DOCK3: variants seen among roughly 807,000 people sequenced by gnomAD.
DOCK3 encodes the protein dedicator of cytokinesis 3.
DOCK3 carries 60 observed loss-of-function variants against 265.6 expected under a neutral mutation model. The ratio of observed to expected loss-of-function variants is 0.23; its 90% CI spans 0.18 to 0.28. The LOEUF is 0.28. Ranked by LOEUF, DOCK3 falls within the 10% of genes least tolerant of loss-of-function variation. DOCK3 has a pLI of 1.00. For missense variants in DOCK3, 1,981 were observed against 2,594.3 expected (o/e 0.76, Z 5.14); for synonymous variants, 881 against 938.0 (o/e 0.94, Z 1.11).
At chr3:51,107,327 C>T (rs751226899) in intron 9 of DOCK3, among the ~76,000 whole-genome samples, 11 of 152,182 alleles carry the variant, frequency 7.2e-5, no homozygotes, top group Non-Finnish European at 1.6e-4. Flanking sequence ...ACAATTGCAA[C>T]AGTTCTCCAA....
chr3:50,965,827 GTA>G (rs1256369520), intron 5 of DOCK3, among the ~76,000 whole-genome samples: 1 of 152,050 alleles, frequency 6.6e-6, no homozygotes, highest in Non-Finnish European at 1.5e-5. Flanking sequence ...GACAAAGATT[GTA>G]TATATTAAAG....
At position 51,383,473 on chromosome 3, in the gene DOCK3, C is replaced by A. The variant is rs1312184727; in HGVS notation, c.*1914C>A. On this transcript the variant is annotated 3_prime_UTR_variant, in exon 53 of 53. Coordinates refer to ENST00000266037, the MANE Select transcript of DOCK3 (RefSeq NM_004947.5). ...TTAGGGGCTAGTTTTGGATTTGATT[C>A]ATAGGTAGGAGGGCTTAGATTTTAA... 1 of 152,322 alleles carries A rather than the reference C, an allele frequency of 6.6e-6. No homozygotes were observed. The highest frequency in any genetic ancestry group is 1.5e-5 in the Non-Finnish European group (1 of 68,050). 9.4% of individuals were successfully genotyped at this position (152,322 alleles called of 1,614,324 possible). A position where few individuals can be genotyped will look rare whatever the true frequency, so the allele number is the denominator to read the frequency against.
At chr3:51,094,995 CTTT>C (rs879555974) in intron 9 of DOCK3, among the ~76,000 whole-genome samples, 1 of 139,622 alleles carries the variant, frequency 7.2e-6, no homozygotes, top group African/African-American at 2.6e-5. Flanking sequence ...TCAACTCCTG[CTTT>C]TTTTTTTTTT....
chr3:50,696,756 A>T (rs934565155), intron 1 of DOCK3, among the ~76,000 whole-genome samples: 1 of 152,162 alleles, frequency 6.6e-6, no homozygotes, highest in African/African-American at 2.4e-5. Flanking sequence ...ATGCACAAGT[A>T]AAATTTTACT....
At chr3:50,745,890 CT>C (rs2039401159) in intron 1 of DOCK3, among the ~76,000 whole-genome samples, 2 of 152,114 alleles carry the variant, frequency 1.3e-5, no homozygotes, top group African/African-American at 4.8e-5. Context: ...TGTTTGTTTT[CT>C]TTTCAGGGGA....
At chr3:50,695,580 C>T (rs2035561097) in intron 1 of DOCK3, among the ~76,000 whole-genome samples, 1 of 152,198 alleles carries the variant, frequency 6.6e-6, no homozygotes, top group Non-Finnish European at 1.5e-5. Flanking sequence ...TCATGACCTC[C>T]AAACCCAGTT....
chr3:51,119,546 A>G (rs999162158), intron 9 of DOCK3, among the ~76,000 whole-genome samples: 2 of 152,192 alleles, frequency 1.3e-5, no homozygotes, highest in African/African-American at 4.8e-5. Context: ...CCTGGATAAT[A>G]TCCTGATGTG....
intron 9 of DOCK3, among the ~76,000 whole-genome samples, chr3:51,113,624 G>C (rs1414785757): frequency 6.6e-6 from 1 of 152,076 alleles, no homozygotes; most frequent in Non-Finnish European, 1.5e-5. Context: ...CAAGACCCCA[G>C]ATAAATCACT....
intron 12 of DOCK3, among the ~76,000 whole-genome samples, chr3:51,187,291 G>A (rs2087666275): frequency 1.3e-5 from 2 of 152,206 alleles, no homozygotes; most frequent in South Asian, 4.1e-4. Flanking sequence ...GACTTGCATG[G>A]GGCCTGTAGC....
At chr3:50,719,750 C>T (rs2037357521) in intron 1 of DOCK3, 2 of 1,172,298 alleles carry the variant, frequency 1.7e-6, no homozygotes, top group African/African-American at 1.5e-5. Flanking sequence ...TATAGATGGA[C>T]TTGCCACCAG....
intron 9 of DOCK3, among the ~76,000 whole-genome samples, chr3:51,124,163 C>G (rs2084159121): frequency 6.6e-6 from 1 of 152,164 alleles, no homozygotes; most frequent in Admixed American, 6.5e-5. Context: ...TGTGTATCCT[C>G]ATCTCAGTGC....
intron 9 of DOCK3, among the ~76,000 whole-genome samples, chr3:51,140,403 G>T (rs1189475189): frequency 6.6e-6 from 1 of 152,036 alleles, no homozygotes; most frequent in Non-Finnish European, 1.5e-5. Flanking sequence ...TGTTTTCAAG[G>T]TTCATCAACA....
intron 5 of DOCK3, among the ~76,000 whole-genome samples, chr3:51,010,635 G>A (rs552835877): frequency 6.6e-6 from 1 of 152,202 alleles, no homozygotes; most frequent in South Asian, 2.1e-4. Flanking sequence ...GGTGAATATT[G>A]TTATGTGTGA....
Position 51,360,630 on chromosome 3 carries a change from C to G in DOCK3, c.5004C>G (p.His1668Gln). Reference sequence around the variant, plus strand: ...AGAGCATCAAGATGACCCACCGGCACAGGTATGGCCTTAGGGCTGGGGAGG... The same window carrying G: ...AGAGCATCAAGATGACCCACCGGCAGAGGTATGGCCTTAGGGCTGGGGAGG... ...SPESIKMTHR[H>Q]SPMNLMGTGR... is the part of the protein sequence containing the mutation. Residue 1668 changes from histidine (H) to glutamine (Q), a missense_variant and splice_region_variant, in exon 47 of 53, where the codon CAC (histidine) becomes CAG (glutamine). By Grantham distance (24) the His-to-Gln change is conservative. Transcript: ENST00000266037. The G allele has an allele frequency of 6.2e-7, 1 of 1,613,832 alleles. No homozygotes were observed. Among genetic ancestry groups the G allele is most frequent in the South Asian group, 1.1e-5 (1 of 91,026 alleles).
At chr3:51,068,539 G>GAA (rs1160597168) in intron 6 of DOCK3, among the ~76,000 whole-genome samples, 1 of 45,730 alleles carries the variant, frequency 2.2e-5, no homozygotes, top group Non-Finnish European at 4.3e-5. Context: ...GACTCCGTCT[G>GAA]AAAAAAAAAA....
chr3:50,994,797 TG>T (rs898276798), intron 5 of DOCK3, among the ~76,000 whole-genome samples: 10 of 152,296 alleles, frequency 6.6e-5, no homozygotes, highest in Non-Finnish European at 1.2e-4. Flanking sequence ...ATAGGCCTGA[TG>T]TGAGAGTTCA....
intron 40 of DOCK3, among the ~76,000 whole-genome samples, chr3:51,352,821 G>A (rs1435127231): frequency 6.6e-6 from 1 of 152,156 alleles, no homozygotes; most frequent in Non-Finnish European, 1.5e-5. Flanking sequence ...TGGGGATGCT[G>A]GAGCTCTTGC....
chr3:51,088,093 T>G (rs1037633508), intron 7 of DOCK3, among the ~76,000 whole-genome samples: 4 of 152,214 alleles, frequency 2.6e-5, no homozygotes, highest in Admixed American at 2.6e-4. Flanking sequence ...TACTGTCATT[T>G]GTAGCAGCAT....
At chr3:51,370,614 T>C (rs566872847) in intron 49 of DOCK3, among the ~76,000 whole-genome samples, 83 of 152,378 alleles carry the variant, frequency 5.4e-4, no homozygotes, top group Admixed American at 1.7e-3. Context: ...TGCATGGCTC[T>C]TGCCACGGGG....
Sources: allele counts gnomAD v4.1 joint callset (sites outside exome capture counted in the v4.1 genomes callset), GRCh38; gene constraint gnomAD v4.1.1; transcripts MANE v1.5; gene names NCBI Gene and HGNC (gene_info 2026-07-23, HGNC 2026-07-21).